Variants in CPPED1 observed in about 807,000 individuals in gnomAD.
CPPED1 encodes calcineurin like phosphoesterase domain containing 1, also known as serine/threonine-protein phosphatase CPPED1.
In CPPED1, 28 loss-of-function variants were observed where a neutral mutation model predicts 28.0. The ratio of observed to expected loss-of-function variants is 1.00; its 90% CI spans 0.74 to 1.37. The LOEUF is 1.37. Among genes scored for constraint, CPPED1 ranks in the 40% most tolerant of loss-of-function variants. The pLI, the probability that CPPED1 is intolerant of heterozygous loss-of-function variation, is 0.00. For missense variants in CPPED1, 504 were observed against 416.5 expected, an observed-to-expected ratio of 1.21 and a Z score of -1.83; for synonymous variants, 198 against 180.2, an observed-to-expected ratio of 1.10 and a Z score of -0.79.
chr16:12,798,079 C>T (rs1215466295), intron 1 of CPPED1, among the ~76,000 whole-genome samples: 2 of 151,920 alleles, frequency 1.3e-5, no homozygotes, highest in African/African-American at 4.8e-5. Flanking sequence ...GCAAGACCAC[C>T]TCAAAAGAAA....
intron 2 of CPPED1, among the ~76,000 whole-genome samples, chr16:12,742,165 C>T (rs761580362): frequency 2.0e-5 from 3 of 152,176 alleles, no homozygotes; most frequent in Non-Finnish European, 4.4e-5. Flanking sequence ...GACCATGATA[C>T]TCAGAGAAAC....
intron 2 of CPPED1, among the ~76,000 whole-genome samples, chr16:12,762,784 T>G (rs2080416982): frequency 6.6e-6 from 1 of 152,026 alleles, no homozygotes; most frequent in Admixed American, 6.6e-5. Context: ...CACTCTGTCC[T>G]CCAGGCTGGA....
intron 2 of CPPED1, among the ~76,000 whole-genome samples, chr16:12,707,427 G>T (rs1245782231): frequency 6.6e-6 from 1 of 152,142 alleles, no homozygotes; most frequent in Non-Finnish European, 1.5e-5. Flanking sequence ...GGCTCAAGGT[G>T]CTGTCTACAG....
chr16:12,694,742 G>T (rs1716503075), intron 3 of CPPED1, among the ~76,000 whole-genome samples: 1 of 104,074 alleles, frequency 9.6e-6, no homozygotes, highest in Non-Finnish European at 1.8e-5. Flanking sequence ...GGGGGGGGGG[G>T]CGGGGGCATG....
intron 1 of CPPED1, among the ~76,000 whole-genome samples, chr16:12,791,457 T>C (rs938234780): frequency 1.2e-4 from 18 of 152,218 alleles, no homozygotes; most frequent in Admixed American, 1.1e-3. Flanking sequence ...ATCTTGCTAA[T>C]TTTGCCACCA....
chr16:12,713,654 C>A (rs1479576424), intron 2 of CPPED1, among the ~76,000 whole-genome samples: 1 of 152,126 alleles, frequency 6.6e-6, no homozygotes, highest in Non-Finnish European at 1.5e-5. Flanking sequence ...AGCCACCACA[C>A]CTGGCTATAA....
chr16:12,779,650 A>T (rs887953625), intron 2 of CPPED1, among the ~76,000 whole-genome samples: 2 of 152,046 alleles, frequency 1.3e-5, no homozygotes, highest in African/African-American at 4.8e-5. Context: ...CCGGCCTCCC[A>T]AAGCACATAA....
rs8043693 is a variant in CPPED1, at chr16:12,700,025, T to C, written c.715+4599A>G. ...TGAGCTTCCAAGCCCAGCAAGTCTA[T>C]CTGCCTGCAGCGGAGAGCCTCCACA... On this transcript the variant is annotated intron_variant, in intron 3 of 3. Coordinates refer to ENST00000381774, the MANE Select transcript of CPPED1 (RefSeq NM_018340.3). Among the ~76,000 whole-genome samples, 1,175 of 152,318 alleles carry C rather than the reference T, an allele frequency of 7.7e-3. 19 individuals are homozygous for C. Among genetic ancestry groups the C allele is most frequent in the African/African-American group, 0.027 (1,111 of 41,580 alleles).
In CPPED1 at chr16:12,663,363, A is replaced by G. The variant is rs1357263715; in HGVS notation, c.*1523T>C. 1.3e-5 allele frequency: 2 copies of G among 152,306 alleles called. No homozygotes were observed. Among genetic ancestry groups the G allele is most frequent in the South Asian group, 2.1e-4 (1 of 4,818 alleles). 9.4% of individuals were successfully genotyped at this position (152,306 alleles called of 1,614,324 possible). ...GGCGTAAGCCACTGTGCCTGGCCCAATGTGTGGTTGTTATTAGCTATGCCC... is the reference window on the plus strand; with the variant it reads ...GGCGTAAGCCACTGTGCCTGGCCCAGTGTGTGGTTGTTATTAGCTATGCCC... On this transcript the variant is annotated 3_prime_UTR_variant, in exon 4 of 4. Coordinates refer to ENST00000381774, the MANE Select transcript of CPPED1 (RefSeq NM_018340.3).
At chr16:12,787,640 C>A (rs778775385) in intron 1 of CPPED1, among the ~76,000 whole-genome samples, 4 of 151,724 alleles carry the variant, frequency 2.6e-5, no homozygotes, top group African/African-American at 9.7e-5. Context: ...CTCCTGACCT[C>A]GTGATCTGCC....
chr16:12,769,738 C>G (rs145376921), intron 2 of CPPED1, among the ~76,000 whole-genome samples: 235 of 152,234 alleles, frequency 1.5e-3, no homozygotes, highest in African/African-American at 5.1e-3. Context: ...TCGACCCACA[C>G]GCGACCTGCT....
intron 2 of CPPED1, among the ~76,000 whole-genome samples, chr16:12,705,391 G>A (rs375937951): frequency 7.2e-5 from 11 of 152,292 alleles, no homozygotes; most frequent in African/African-American, 2.4e-4. Context: ...GGGAGGCTGA[G>A]GTGGGAGGGA....
At chr16:12,802,145 G>T (rs1227690142) in intron 1 of CPPED1, among the ~76,000 whole-genome samples, 1 of 152,122 alleles carries the variant, frequency 6.6e-6, no homozygotes, top group Admixed American at 6.6e-5. Context: ...CAAACCCCTG[G>T]GGCATGGTGG....
At chr16:12,676,291 G>C (rs1263342752) in intron 3 of CPPED1, among the ~76,000 whole-genome samples, 1 of 152,122 alleles carries the variant, frequency 6.6e-6, no homozygotes. Flanking sequence ...AAGGAGTGTG[G>C]TGGGATCAAC....
chr16:12,766,273 AGAGG>A (rs1254812525), intron 2 of CPPED1, among the ~76,000 whole-genome samples: 2,013 of 143,368 alleles, frequency 0.014, 115 homozygotes, highest in African/African-American at 0.054. Context: ...AGAGAGAGAG[AGAGG>A]GAGAGAGAGA....
At chr16:12,783,925 G>A (rs771621270) in intron 1 of CPPED1, among the ~76,000 whole-genome samples, 12 of 152,162 alleles carry the variant, frequency 7.9e-5, no homozygotes, top group Non-Finnish European at 1.3e-4. Context: ...AGGGACTGAG[G>A]GAGTCCACTG....
chr16:12,771,183 C>T (rs542592508), intron 2 of CPPED1, among the ~76,000 whole-genome samples: 3 of 152,248 alleles, frequency 2.0e-5, no homozygotes, highest in South Asian at 2.1e-4. Flanking sequence ...TATCTATATT[C>T]CTTATTTCTA....
intron 2 of CPPED1, among the ~76,000 whole-genome samples, chr16:12,758,119 T>G (rs1446312350): frequency 6.6e-6 from 1 of 152,102 alleles, no homozygotes; most frequent in Non-Finnish European, 1.5e-5. Context: ...CACAGTACCA[T>G]GCAGTTGAAC....
chr16:12,747,766 T>C (rs1347489504), intron 2 of CPPED1, among the ~76,000 whole-genome samples: 3 of 152,192 alleles, frequency 2.0e-5, no homozygotes, highest in Admixed American at 6.5e-5. Context: ...ATTGTGATTG[T>C]AGTTTCACAG....
Sources: gnomAD v4.1 joint callset for allele counts (sites outside exome capture counted in the v4.1 genomes callset) on GRCh38, gnomAD v4.1.1 for gene constraint, MANE v1.5 for transcripts, NCBI Gene and HGNC (gene_info 2026-07-23, HGNC 2026-07-21) for gene names.